The following CLCN1 variants were observed in gnomAD, a reference collection of about 807,000 sequenced individuals.
CLCN1 encodes the protein chloride voltage-gated channel 1.
Under a neutral mutation model 114.5 loss-of-function variants are expected in CLCN1, and 100 were observed. The observed-to-expected ratio is 0.87, with a 90% confidence interval of 0.74 to 1.03. CLCN1 has a LOEUF of 1.03. Among genes scored for constraint, CLCN1 ranks in the 50% least tolerant of loss-of-function variants. The pLI is 0.00. For missense variants in CLCN1, 1,188 were observed against 1,250.0 expected (o/e 0.95, Z 0.75); for synonymous variants, 485 against 487.1 (o/e 1.00, Z 0.06).
chr7:143,318,103 T>G (rs1802334400), intron 1 of CLCN1, among the ~76,000 whole-genome samples: 1 of 152,218 alleles, frequency 6.6e-6, no homozygotes, highest in African/African-American at 2.4e-5. Context: ...TGGAATGGTA[T>G]AGTGAAGCCC....
intron 7 of CLCN1, among the ~76,000 whole-genome samples, chr7:143,326,357 C>T (rs540741735): frequency 6.6e-6 from 1 of 152,216 alleles, no homozygotes; most frequent in Non-Finnish European, 1.5e-5. Flanking sequence ...ATGGAGTCAG[C>T]TCTTAATTTC....
At chr7:143,331,986 G>A (rs1030604686) in intron 10 of CLCN1, among the ~76,000 whole-genome samples, 3 of 152,108 alleles carry the variant, frequency 2.0e-5, no homozygotes, top group Non-Finnish European at 4.4e-5. Context: ...GCACCAACAC[G>A]ACCAGCTAAT....
In CLCN1 at chr7:143,341,812, A is replaced by G. The variant is rs2293365; in HGVS notation, c.1583-117A>G. ...CTACTCTTGACAAGTCATTATGAGT[A>G]TTGGCACTGACCAGGGTCATGTCTC... is the stretch of plus-strand genomic sequence containing the variant. On this transcript the variant is annotated intron_variant, in intron 14 of 22. Coordinates refer to ENST00000343257, the MANE Select transcript of CLCN1 (RefSeq NM_000083.3). 327,705 of 782,950 alleles carry G rather than the reference A, an allele frequency of 0.42. 70,171 individuals carry two copies. Among genetic ancestry groups the G allele is most frequent in the African/African-American group, 0.56 (32,864 of 58,598 alleles). 48.5% of individuals were successfully genotyped at this position (782,950 alleles called of 1,614,324 possible).
intron 16 of CLCN1, 24 bp from the exon 17 acceptor site, chr7:143,345,497 A>G (rs753486233): frequency 9.2e-6 from 14 of 1,519,028 alleles, no homozygotes; most frequent in East Asian, 5.0e-5. Context: ...GGGGGCGCTC[A>G]GGCAGGGCGT....
At chr7:143,346,035 G>T in intron 17 of CLCN1, 105 bp from the exon 18 acceptor site, 1 of 874,440 alleles carries the variant, frequency 1.1e-6, no homozygotes, top group Non-Finnish European at 1.9e-6. Context: ...TGAACTGGGG[G>T]GAAGAATAGA....
chr7:143,319,997 T>A, intron 2 of CLCN1, 122 bp downstream of exon 2: 1 of 1,068,790 alleles, frequency 9.4e-7, no homozygotes, highest in Non-Finnish European at 1.4e-6. Flanking sequence ...TCTCCTCTAA[T>A]TGTTTTTAAG....
At chr7:143,326,962 C>T (rs1802590292) in intron 7 of CLCN1, among the ~76,000 whole-genome samples, 1 of 152,076 alleles carries the variant, frequency 6.6e-6, no homozygotes, top group South Asian at 2.1e-4. Context: ...AAAAAGTTAT[C>T]AGTGGCCAGG....
Position 143,346,841 on chromosome 7 carries a change from T to G in CLCN1, c.2365-70T>G, listed in dbSNP as rs374210293. 984 of 1,471,506 alleles carry G rather than the reference T, an allele frequency of 6.7e-4. 5 individuals carry two copies. In the African/African-American group the frequency reaches 0.012, roughly 17 times the overall value. 91.2% of individuals were successfully genotyped at this position (1,471,506 alleles called of 1,614,324 possible). ...CCTGGCCAGGGAGGGATGGCTATTG[T>G]TTCATTGGGAGCCATAGCTACCATG... On this transcript the variant is annotated intron_variant, in intron 19 of 22. Coordinates refer to ENST00000343257, the MANE Select transcript of CLCN1 (RefSeq NM_000083.3).
chr7:143,337,155 A>G (rs1040534974), intron 12 of CLCN1, among the ~76,000 whole-genome samples: 1 of 152,226 alleles, frequency 6.6e-6, no homozygotes, highest in Non-Finnish European at 1.5e-5. Context: ...TTTAGCAAAT[A>G]TTAGCTCTGA....
rs1803360133 is a variant in CLCN1 at position 143,350,403 on chromosome 7, A to G, written c.2435A>G (p.Gln812Arg). 6.2e-7 allele frequency: 1 copy of G among 1,614,190 alleles called. No homozygotes were observed. Among genetic ancestry groups the G allele is most frequent in the Non-Finnish European group, 8.5e-7 (1 of 1,180,024 alleles). The change falls in exon 21 of 23, where the codon CAG becomes CGG. Residue 812 changes from glutamine to arginine, a missense_variant. By Grantham distance (43) the Gln-to-Arg change is conservative. Coordinates refer to ENST00000343257, the MANE Select transcript of CLCN1 (RefSeq NM_000083.3). The surrounding 1 kb of genome is among the most constrained non-coding windows in gnomAD (Gnocchi z 5.1). ...GCCTGGGAGCAGGAGCAGCTGAGCC[A>G]GCCTGTCTGTTTTGATTCCTGCTGT... is the stretch of plus-strand genomic sequence containing the variant. ...IEAWEQEQLS[Q>R]PVCFDSCCID... is the part of the protein sequence containing the mutation.
chr7:143,346,331 G>T (rs1252834922), intron 18 of CLCN1, 80 bp downstream of exon 18: 2 of 966,704 alleles, frequency 2.1e-6, no homozygotes, highest in Non-Finnish European at 3.3e-6. Context: ...TGACCTGCAT[G>T]CAATTCCTAT....
At chr7:143,341,815 G>A in intron 14 of CLCN1, 114 bp from the exon 15 acceptor site, 1 of 802,156 alleles carries the variant, frequency 1.2e-6, no homozygotes, top group East Asian at 2.6e-5. Flanking sequence ...TATGAGTATT[G>A]GCACTGACCA....
At position 143,350,598 on chromosome 7, in the gene CLCN1, C is replaced by T. The variant is rs369724350; in HGVS notation, c.2539C>T (p.His847Tyr). The T allele has an allele frequency of 1.9e-6, 3 of 1,614,044 alleles. No homozygotes were observed. The highest frequency in any genetic ancestry group is 2.7e-5 in the African/African-American group (2 of 74,910). ...TACCCTGTTTTCACTCCTTGGCCTC[C>T]ACCTCGCTTACGTGACCAGCATGGG... ...THTLFSLLGLHLAYVTSMGKL... is the reference protein window; with the variant it reads ...THTLFSLLGLYLAYVTSMGKL... The change falls in exon 22 of 23, where the codon CAC (histidine) becomes TAC (tyrosine). Residue 847 changes from histidine to tyrosine, a missense_variant. Coordinates refer to ENST00000343257, the MANE Select transcript of CLCN1 (RefSeq NM_000083.3). This position sits in a 1 kb window ranked among gnomAD's most constrained non-coding sequence, Gnocchi z 5.1.
intron 19 of CLCN1, 31 bp downstream of exon 19, chr7:143,346,689 G>A: frequency 6.4e-7 from 1 of 1,566,786 alleles, no homozygotes; most frequent in Non-Finnish European, 8.8e-7. Flanking sequence ...GGATACAGGG[G>A]AAAGGGAGCC....
At position 143,331,322 on chromosome 7, in the gene CLCN1, TG is replaced by T; in HGVS notation, c.1064+10del. On this transcript the variant is annotated splice_region_variant and intron_variant, in intron 9 of 22. Transcript: ENST00000343257. ...CCAGCTTTTGCTGCCATCGGGTCAGTGGGGTTACCTGCTCTGTGTGTGGTGA... is the reference window on the plus strand; with the variant it reads ...CCAGCTTTTGCTGCCATCGGGTCAGTGGGTTACCTGCTCTGTGTGTGGTGA... 6.3e-7 allele frequency: 1 copy of T among 1,586,828 alleles called. No homozygotes were observed. Among genetic ancestry groups the T allele is most frequent in the Non-Finnish European group, 8.7e-7 (1 of 1,155,236 alleles).
chr7:143,339,202 T>G lies in CLCN1; in HGVS notation c.1402-51T>G. ...TAGTGGGAAGGGAATTGTGTGTGCA[T>G]GTCTATTGGGCAGAGTTGAAAGGGT... On this transcript the variant is annotated intron_variant, in intron 12 of 22. Transcript: ENST00000343257. The surrounding 1 kb of genome is among the most constrained non-coding windows in gnomAD (Gnocchi z 4.1). 8.7e-7 allele frequency: 1 copy of G among 1,153,946 alleles called. No individual in the cohort carries two copies. The highest frequency in any genetic ancestry group is 1.5e-5 in the African/African-American group (1 of 65,564). The allele number at this position is 1,153,946 out of a possible 1,614,324, so 71.5% of individuals were successfully genotyped here.
At chr7:143,334,375 G>A (rs749328786) in intron 12 of CLCN1, among the ~76,000 whole-genome samples, 6 of 151,936 alleles carry the variant, frequency 3.9e-5, no homozygotes, top group Non-Finnish European at 5.9e-5. Context: ...TGAATACCTT[G>A]CTATTAACTT....
At position 143,340,883 on chromosome 7, in the gene CLCN1, T is replaced by C. The variant is rs1364971081; in HGVS notation, c.1583-1046T>C. ...TGTGCCTTCCTCTACATTTTCCCCA[T>C]AGGATACCTCTTCCATATTTAAATA... On this transcript the variant is annotated intron_variant, in intron 14 of 22. Coordinates refer to ENST00000343257, the MANE Select transcript of CLCN1 (RefSeq NM_000083.3). Among the ~76,000 whole-genome samples the C allele has an allele frequency of 2.0e-5, 3 of 152,142 alleles. No individual in the cohort carries two copies. The East Asian group carries it at 5.8e-4, about 29-fold the overall frequency.
intron 18 of CLCN1, 26 bp downstream of exon 18, chr7:143,346,277 A>C: frequency 6.8e-7 from 1 of 1,478,454 alleles, no homozygotes. Flanking sequence ...CATGCACCCC[A>C]ACTCACCCCT....
Sources: gnomAD v4.1 joint callset for allele counts (sites outside exome capture counted in the v4.1 genomes callset) on GRCh38, gnomAD v4.1.1 for gene constraint, Gnocchi (gnomAD v3.1) non-coding constraint, MANE v1.5 for transcripts, NCBI Gene and HGNC (gene_info 2026-07-23, HGNC 2026-07-21) for gene names.